Variants in AFF2 observed in about 807,000 individuals in gnomAD.
AFF2 encodes AF4/FMR2 family member 2.
In AFF2, 14 loss-of-function variants were observed where a neutral mutation model predicts 76.9. That is an observed-to-expected ratio of 0.18 (90% CI 0.12 to 0.28). The LOEUF (loss-of-function observed/expected upper bound fraction) is 0.28. Among genes scored for constraint, AFF2 ranks in the 10% least tolerant of loss-of-function variants. The probability of loss-of-function intolerance (pLI) is 1.00; values close to 1 mark genes in which losing one functional copy is unlikely to be tolerated. For missense variants in AFF2, 868 were observed against 1,001.1 expected, an observed-to-expected ratio of 0.87 and a Z score of 1.79; for synonymous variants, 398 against 366.7, an observed-to-expected ratio of 1.09 and a Z score of -0.98.
intron 3 of AFF2, among the ~76,000 whole-genome samples, chrX:148,771,850 G>T (rs2069591599): frequency 8.9e-6 from 1 of 111,770 alleles, no homozygotes; most frequent in South Asian, 3.8e-4. Flanking sequence ...ATTTTAAAGG[G>T]TGTAATTTTA....
chrX:148,841,873 C>A (rs1447503909), intron 5 of AFF2, among the ~76,000 whole-genome samples: 1 of 111,722 alleles, frequency 9.0e-6, no homozygotes, highest in African/African-American at 3.3e-5. Context: ...GCCTTTTCTG[C>A]CTCTTGTTGA....
At chrX:148,957,696 T>C (rs758442) in intron 11 of AFF2, among the ~76,000 whole-genome samples, 13,249 of 111,899 alleles carry the variant, frequency 0.12, 1,162 homozygotes, top group African/African-American at 0.31. Flanking sequence ...GTCTGAAACA[T>C]TTCTGGTCCC....
chrX:148,850,363 T>C (rs1271549044), intron 7 of AFF2, among the ~76,000 whole-genome samples: 1 of 112,271 alleles, frequency 8.9e-6, no homozygotes, highest in Admixed American at 9.5e-5. Context: ...CCATCTGTTA[T>C]CAACCACAGC....
intron 1 of AFF2, among the ~76,000 whole-genome samples, chrX:148,564,251 T>A: frequency 9.0e-6 from 1 of 111,101 alleles, no homozygotes; most frequent in East Asian, 2.9e-4. Context: ...AAGTTTTAAA[T>A]ATATATGTTG....
intron 3 of AFF2, among the ~76,000 whole-genome samples, chrX:148,735,021 C>T (rs782080054): frequency 1.8e-5 from 2 of 111,940 alleles, no homozygotes; most frequent in South Asian, 3.7e-4. Context: ...TAAATTAGGT[C>T]GCCCAGACTT....
chrX:148,638,018 G>T (rs932710550), intron 1 of AFF2, among the ~76,000 whole-genome samples: 1 of 110,580 alleles, frequency 9.0e-6, no homozygotes, highest in South Asian at 4.0e-4. Flanking sequence ...ACTCTCGGAG[G>T]TCTTTCCACC....
intron 1 of AFF2, among the ~76,000 whole-genome samples, chrX:148,540,357 T>C (rs1346041995): frequency 9.4e-6 from 1 of 106,913 alleles, no homozygotes; most frequent in African/African-American, 3.4e-5. Context: ...GGGGGAAAGA[T>C]AACCATATCA....
At chrX:148,716,907 G>A (rs1260443597) in intron 3 of AFF2, among the ~76,000 whole-genome samples, 2 of 111,703 alleles carry the variant, frequency 1.8e-5, no homozygotes, top group African/African-American at 6.5e-5. Context: ...TATTTTAGAG[G>A]GAGGAGACAG....
chrX:148,552,153 A>G (rs1310432764), intron 1 of AFF2, among the ~76,000 whole-genome samples: 2 of 112,309 alleles, frequency 1.8e-5, no homozygotes, highest in Non-Finnish European at 3.8e-5. Context: ...TTTAATCTGT[A>G]TTCTTTCACT....
chrX:148,505,252 A>G (rs1557232357), intron 1 of AFF2, among the ~76,000 whole-genome samples: 2 of 111,747 alleles, frequency 1.8e-5, no homozygotes, highest in Admixed American at 9.5e-5. Context: ...TCTCCTCCGC[A>G]ACTCCCCAAA....
At chrX:148,647,653 C>A (rs1357001494) in intron 1 of AFF2, among the ~76,000 whole-genome samples, 1 of 111,740 alleles carries the variant, frequency 8.9e-6, no homozygotes, top group Non-Finnish European at 1.9e-5. Flanking sequence ...TGAAACTCAT[C>A]TTCATTCTGA....
intron 4 of AFF2, among the ~76,000 whole-genome samples, chrX:148,811,399 C>A (rs782296393): frequency 1.8e-5 from 2 of 111,038 alleles, no homozygotes; most frequent in Non-Finnish European, 1.9e-5. Flanking sequence ...TCTCAGGGGC[C>A]CGACGTTTTG....
intron 3 of AFF2, among the ~76,000 whole-genome samples, chrX:148,673,787 G>C (rs1174179691): frequency 3.6e-5 from 4 of 111,757 alleles, no homozygotes; most frequent in Non-Finnish European, 5.6e-5. Flanking sequence ...CTGACTTCAG[G>C]TTTAGTCCAC....
intron 3 of AFF2, among the ~76,000 whole-genome samples, chrX:148,713,751 A>C (rs2054996061): frequency 9.0e-6 from 1 of 111,442 alleles, no homozygotes. Context: ...AATAAAAGAG[A>C]TTGGGAAGAA....
chrX:148,727,290 A>C (rs1197175593), intron 3 of AFF2, among the ~76,000 whole-genome samples: 1 of 111,608 alleles, frequency 9.0e-6, no homozygotes, highest in African/African-American at 3.3e-5. Context: ...AGATTCATTT[A>C]ACAATCGAAT....
At chrX:148,746,662 A>T (rs2055424256) in intron 3 of AFF2, among the ~76,000 whole-genome samples, 1 of 112,583 alleles carries the variant, frequency 8.9e-6, no homozygotes, top group African/African-American at 3.2e-5. Context: ...TCATTCATTC[A>T]CTCATTCTAC....
intron 3 of AFF2, among the ~76,000 whole-genome samples, chrX:148,698,041 G>A (rs782800804): frequency 3.6e-5 from 4 of 112,330 alleles, no homozygotes; most frequent in African/African-American, 1.3e-4. Context: ...TTGCAACCAT[G>A]TATAATTGTA....
chrX:148,754,421 C>G (rs974117674), intron 3 of AFF2, among the ~76,000 whole-genome samples: 1 of 109,041 alleles, frequency 9.2e-6, no homozygotes, highest in South Asian at 4.0e-4. Flanking sequence ...GAGCTGATAA[C>G]TGTTTTCTTC....
chrX:148,638,153 T>G (rs1014957763), intron 1 of AFF2, among the ~76,000 whole-genome samples: 3 of 112,183 alleles, frequency 2.7e-5, no homozygotes, highest in Admixed American at 1.9e-4. Flanking sequence ...TATTAGTCTA[T>G]TATTGTATTG....
Sources: allele counts gnomAD v4.1 joint callset (sites outside exome capture counted in the v4.1 genomes callset), GRCh38; gene constraint gnomAD v4.1.1; transcripts MANE v1.5; gene names NCBI Gene and HGNC (gene_info 2026-07-23, HGNC 2026-07-21).